The following ATP1A2 variants were observed in gnomAD, a reference collection of about 807,000 sequenced individuals.
The protein encoded by ATP1A2 is sodium/potassium-transporting ATPase subunit alpha-2.
In ATP1A2, 56 loss-of-function variants were observed where a neutral mutation model predicts 113.1. The observed-to-expected ratio is 0.49, with a 90% CI of 0.40 to 0.62. The LOEUF (loss-of-function observed/expected upper bound fraction) is 0.62. Ranked by LOEUF, ATP1A2 falls within the 20% of genes least tolerant of loss-of-function variation. The pLI is 0.00. For missense variants in ATP1A2, 712 were observed against 1,357.8 expected (o/e 0.52, Z 7.47); for synonymous variants, 490 against 526.8 (o/e 0.93, Z 0.96).
intron 3 of ATP1A2, 105 bp from the exon 4 acceptor site, chr1:160,123,108 T>C (rs1229716827): frequency 3.6e-5 from 48 of 1,349,062 alleles, no homozygotes; most frequent in Non-Finnish European, 4.6e-5. Flanking sequence ...GGTGGGACTT[T>C]CCTTCTGGGC....
chr1:160,137,431 C>T (rs972694715), intron 20 of ATP1A2, among the ~76,000 whole-genome samples: 7 of 152,164 alleles, frequency 4.6e-5, no homozygotes, highest in Non-Finnish European at 8.8e-5. Context: ...TGCCGAGGGT[C>T]GGGTTCAGCG....
In ATP1A2 at chr1:160,124,038, C is replaced by T; in HGVS notation, c.477C>T (p.Phe159=). The part of the protein sequence containing the change: ...EAKSSKIMDS[F]KNMVPQQALV... ...AGAGCTCCAAGATCATGGATTCCTT[C>T]AAGAACATGGTACCTCAGGTAAGAT... The change falls in exon 5 of 23, where the codon TTC becomes TTT. Residue 159 remains phenylalanine, a synonymous_variant. Transcript: ENST00000361216. The T allele has an allele frequency of 1.2e-6, 2 of 1,614,174 alleles. No individual in the cohort carries two copies. The highest frequency in any genetic ancestry group is 1.7e-6 in the Non-Finnish European group (2 of 1,180,014).
In ATP1A2 at chr1:160,137,354, C is replaced by T. The variant is rs557621410; in HGVS notation, c.2840+323C>T. 9.9e-5 allele frequency among the ~76,000 whole-genome samples: 15 copies of T among 152,196 alleles called. No homozygotes were observed. The South Asian group carries it at 3.1e-3, about 32-fold the overall frequency. ...AAATCCAGTGTCTTCTGTGCCCACC[C>T]CTCCCCTGGCCTTCCGCAGGCAGTC... On this transcript the variant is annotated intron_variant, in intron 20 of 22. Transcript: ENST00000361216.
chr1:160,130,258 A>C lies in ATP1A2; in HGVS notation c.1618A>C (p.Met540Leu). The C allele has an allele frequency of 6.2e-7, 1 of 1,614,144 alleles. No homozygotes were observed. Among genetic ancestry groups the C allele is most frequent in the African/African-American group, 1.3e-5 (1 of 75,036 alleles). The change falls in exon 12 of 23, where the codon ATG becomes CTG. Residue 540 changes from methionine to leucine, a missense_variant. By Grantham distance (15) the Met-to-Leu change is conservative (BLOSUM62 2). Coordinates refer to ENST00000361216, the MANE Select transcript of ATP1A2 (RefSeq NM_000702.4). ...EMQDAFQNAY[M>L]ELGGLGERVL... is the part of the protein sequence containing the mutation. ...GCAAGATGCCTTTCAAAATGCCTACATGGAGCTGGGGGGACTTGGGGAGCG... is the reference window on the plus strand; with the variant it reads ...GCAAGATGCCTTTCAAAATGCCTACCTGGAGCTGGGGGGACTTGGGGAGCG...
chr1:160,136,586 G>A lies in ATP1A2; in HGVS notation c.2580G>A (p.Leu860=). The change falls in exon 19 of 23, where the codon CTG becomes CTA. Residue 860 remains leucine (L), a synonymous_variant. Coordinates refer to ENST00000361216, the MANE Select transcript of ATP1A2 (RefSeq NM_000702.4). ...AYGQIGMIQA[L]GGFFTYFVIL... is the part of the protein sequence containing the mutation. Reference sequence around the variant, plus strand: ...TACCCACAGGGATGATCCAGGCACTGGGTGGCTTCTTCACCTACTTTGTGA... The same window carrying A: ...TACCCACAGGGATGATCCAGGCACTAGGTGGCTTCTTCACCTACTTTGTGA... 6.2e-7 allele frequency: 1 copy of A among 1,614,234 alleles called. No homozygotes were observed. Among genetic ancestry groups the A allele is most frequent in the South Asian group, 1.1e-5 (1 of 91,080 alleles).
intron 7 of ATP1A2, 86 bp downstream of exon 7, chr1:160,125,339 G>T: frequency 2.4e-6 from 3 of 1,238,258 alleles, no homozygotes; most frequent in Non-Finnish European, 3.5e-6. Flanking sequence ...TACTTACCTG[G>T]CAAAAGCTCT....
intron 7 of ATP1A2, chr1:160,125,503 T>A (rs1049001030): frequency 1.7e-5 from 9 of 524,016 alleles, no homozygotes; most frequent in African/African-American, 3.8e-5. Context: ...CAAGACTGAG[T>A]GGATTTCAAA....
Position 160,134,495 on chromosome 1 carries a change from A to C in ATP1A2, c.1839A>C (p.Val613=). ...CTCCTTCCCACTAGGTGATCATGGTAACCGGGGATCACCCTATCACAGCCA... is the reference window on the plus strand; with the variant it reads ...CTCCTTCCCACTAGGTGATCATGGTCACCGGGGATCACCCTATCACAGCCA... ...CRSAGIKVIM[V]TGDHPITAKA... The change falls in exon 14 of 23, where the codon GTA becomes GTC. Residue 613 remains valine, a synonymous_variant. Coordinates refer to ENST00000361216, the MANE Select transcript of ATP1A2 (RefSeq NM_000702.4). 6.2e-7 allele frequency: 1 copy of C among 1,614,200 alleles called. No homozygotes were observed. The highest frequency in any genetic ancestry group is 1.1e-5 in the South Asian group (1 of 91,086).
rs189679292 is a variant in ATP1A2, at chr1:160,123,880, T to G, written c.382-63T>G. 2,114 of 1,449,708 alleles carry G rather than the reference T, an allele frequency of 1.5e-3. 51 individuals carry two copies. The Admixed American group carries it at 0.033, about 23-fold the overall frequency. 89.8% of individuals were successfully genotyped at this position (1,449,708 alleles called of 1,614,324 possible). On this transcript the variant is annotated intron_variant, in intron 4 of 22. Transcript: ENST00000361216. ...GATGGCACTGCCTGCTCATCCCAAG[T>G]GGCAGCTGCCCCTTTAGGGTTGGGG...
chr1:160,121,030 A>G lies in ATP1A2; in HGVS notation c.117+20A>G. 10 of 1,613,834 alleles carry G rather than the reference A, an allele frequency of 6.2e-6. No individual in the cohort carries two copies. The highest frequency in any genetic ancestry group is 8.5e-6 in the Non-Finnish European group (10 of 1,179,690). ...GCAATGGTGAGGGAACTGCTGGGCC[A>G]TGGAGGAGGGGCCCCATGCTGGGAG... is the stretch of plus-strand genomic sequence containing the variant. On this transcript the variant is annotated intron_variant, in intron 2 of 22. Coordinates refer to ENST00000361216, the MANE Select transcript of ATP1A2 (RefSeq NM_000702.4).
intron 3 of ATP1A2, 26 bp from the exon 4 acceptor site, chr1:160,123,187 C>T (rs1465349329): frequency 2.5e-6 from 4 of 1,613,486 alleles, no homozygotes; most frequent in Non-Finnish European, 3.4e-6. Flanking sequence ...GGATGCGTGC[C>T]CCTACGCCTC....
chr1:160,123,154 T>A, intron 3 of ATP1A2, 59 bp from the exon 4 acceptor site: 1 of 1,589,168 alleles, frequency 6.3e-7, no homozygotes, highest in Non-Finnish European at 8.6e-7. Context: ...GGGATGGGCA[T>A]GGTGACTGGC....
Position 160,128,530 on chromosome 1 carries a change from C to T in ATP1A2, c.1018-122C>T, listed in dbSNP as rs746524612. On this transcript the variant is annotated intron_variant, in intron 8 of 22. Transcript: ENST00000361216. ...AACATTCATTATTTACAGCTAAGTC[C>T]CACCCATTCAAGTTAGTGGAGTAGA... is the stretch of plus-strand genomic sequence containing the variant. The T allele has an allele frequency of 3.2e-6, 5 of 1,559,816 alleles. No individual in the cohort carries two copies. In the East Asian group the frequency reaches 1.2e-4, roughly 37 times the overall value.
intron 5 of ATP1A2, 54 bp from the exon 6 acceptor site, chr1:160,124,242 A>G: frequency 6.4e-7 from 1 of 1,561,772 alleles, no homozygotes; most frequent in South Asian, 1.2e-5. Context: ...CCAGCAGGAG[A>G]AGAAGGCAGG....
chr1:160,129,371 A>C lies in ATP1A2; in HGVS notation c.1432A>C (p.Ile478Leu). Residue 478 changes from isoleucine (I) to leucine (L), a missense_variant, in exon 11 of 23, where the codon ATT becomes CTT. By Grantham distance (5) the Ile-to-Leu change is conservative (BLOSUM62 2). This residue lies in a region of ATP1A2 where 263 missense variants were observed against 380.6 expected (regional missense o/e 0.69). Coordinates refer to ENST00000361216, the MANE Select transcript of ATP1A2 (RefSeq NM_000702.4). ...MRDRNPKVAEIPFNSTNKYQL... is the reference protein window; with the variant it reads ...MRDRNPKVAELPFNSTNKYQL... ...AGACAGAAACCCCAAGGTGGCAGAG[A>C]TTCCTTTCAACTCTACCAACAAGTA... is the stretch of plus-strand genomic sequence containing the variant. 2 of 1,613,974 alleles carry C rather than the reference A, an allele frequency of 1.2e-6. No homozygotes were observed. The highest frequency in any genetic ancestry group is 1.7e-6 in the Non-Finnish European group (2 of 1,180,028).
At chr1:160,115,936 T>A in intron 1 of ATP1A2, 63 bp downstream of exon 1, 1 of 1,577,368 alleles carries the variant, frequency 6.3e-7, no homozygotes, top group Non-Finnish European at 8.6e-7. Flanking sequence ...TGAGGAAGGA[T>A]GAAGTGGGAA....
intron 13 of ATP1A2, among the ~76,000 whole-genome samples, chr1:160,134,137 A>G (rs535314502): frequency 2.2e-5 from 3 of 137,308 alleles, no homozygotes; most frequent in African/African-American, 8.3e-5. Flanking sequence ...ATACACACAC[A>G]CACACATACC....
chr1:160,119,025 A>C (rs1228980897), intron 1 of ATP1A2, among the ~76,000 whole-genome samples: 1 of 151,888 alleles, frequency 6.6e-6, no homozygotes. Flanking sequence ...CTCAAACTTA[A>C]ACTATGGGCT....
intron 20 of ATP1A2, among the ~76,000 whole-genome samples, chr1:160,138,657 A>G (rs1381387489): frequency 2.6e-5 from 4 of 152,118 alleles, no homozygotes; most frequent in African/African-American, 9.7e-5. Flanking sequence ...GCCTGGGCAC[A>G]TGGTGAAACT....
Sources: gnomAD v4.1 joint callset for allele counts (sites outside exome capture counted in the v4.1 genomes callset) on GRCh38, gnomAD v4.1.1 for gene constraint, gnomAD v4.1.1 regional missense constraint, MANE v1.5 for transcripts, NCBI Gene and HGNC (gene_info 2026-07-23, HGNC 2026-07-21) for gene names.